The following ECD variants were observed in gnomAD, a reference collection of about 807,000 sequenced individuals.
The protein encoded by ECD is protein ecdysoneless homolog.
In ECD, 59 loss-of-function variants were observed where a neutral mutation model predicts 77.2. The observed-to-expected ratio is 0.76, with a 90% CI of 0.62 to 0.95. The LOEUF is 0.95. Among genes scored for constraint, ECD ranks in the 40% least tolerant of loss-of-function variants. ECD has a pLI of 0.00. For synonymous variants in ECD, 233 were observed against 267.4 expected (o/e 0.87, Z 1.26); for missense variants, 704 against 763.4 (o/e 0.92, Z 0.92).
At chr10:73,142,269 A>G (rs536399322) in intron 9 of ECD, among the ~76,000 whole-genome samples, 1 of 152,080 alleles carries the variant, frequency 6.6e-6, no homozygotes, top group African/African-American at 2.4e-5. Context: ...TCGGTCTCCC[A>G]AAGTGCTGGG....
At chr10:73,164,779 C>T (rs1276713012) in intron 1 of ECD, among the ~76,000 whole-genome samples, 1 of 152,104 alleles carries the variant, frequency 6.6e-6, no homozygotes, top group Admixed American at 6.6e-5. Flanking sequence ...TTTAATGACC[C>T]TTTACACTTA....
intron 9 of ECD, among the ~76,000 whole-genome samples, chr10:73,140,607 G>A (rs756472461): frequency 2.0e-5 from 3 of 151,904 alleles, no homozygotes; most frequent in African/African-American, 2.4e-5. Flanking sequence ...GCTTGAACCC[G>A]GGAGGTGGAG....
chr10:73,139,472 G>A lies in ECD; in HGVS notation c.1258C>T (p.Pro420Ser). 6.2e-7 allele frequency: 1 copy of A among 1,613,908 alleles called. No homozygotes were observed. Among genetic ancestry groups the A allele is most frequent in the Non-Finnish European group, 8.5e-7 (1 of 1,179,964 alleles). Residue 420 changes from proline to serine, a missense_variant, in exon 11 of 14, where the codon CCA (proline) becomes TCA (serine). Transcript: ENST00000372979. ...EDDDQWLDLS[P>S]DQLDQLLQEA... The stretch of plus-strand genomic sequence containing the variant: ...TGCAGCAGCTGGTCCAGCTGATCTG[G>A]TGAGAGATCTAACCACTGGTCATCT...
intron 3 of ECD, among the ~76,000 whole-genome samples, chr10:73,157,946 A>ATTATTTTATT (rs113656136): frequency 1.0e-4 from 15 of 150,178 alleles, no homozygotes; most frequent in Admixed American, 6.0e-4. Context: ...TTCTATTTTT[A>ATTATTTTATT]TTATTTTATT....
intron 7 of ECD, among the ~76,000 whole-genome samples, chr10:73,149,133 T>C (rs1283499325): frequency 6.6e-6 from 1 of 152,198 alleles, no homozygotes; most frequent in East Asian, 1.9e-4. Context: ...ATCTAACTAT[T>C]CCCCTACTAA....
At chr10:73,167,506 A>G (rs1036993840) in intron 1 of ECD, among the ~76,000 whole-genome samples, 1 of 152,140 alleles carries the variant, frequency 6.6e-6, no homozygotes, top group African/African-American at 2.4e-5. Flanking sequence ...CCCTAACTCC[A>G]TGATTCCAAT....
At chr10:73,159,978 G>A (rs1214257627) in intron 3 of ECD, among the ~76,000 whole-genome samples, 4 of 151,144 alleles carry the variant, frequency 2.6e-5, no homozygotes, top group Admixed American at 6.6e-5. Flanking sequence ...GAAGCCACAA[G>A]AGAAGAGAAA....
At chr10:73,146,171 C>T in intron 9 of ECD, 105 bp downstream of exon 9, 1 of 479,992 alleles carries the variant, frequency 2.1e-6, no homozygotes. Context: ...GAGTGAGACT[C>T]CGTCTCAAAA....
chr10:73,167,272 G>A (rs1018604971), intron 1 of ECD, among the ~76,000 whole-genome samples: 97 of 152,060 alleles, frequency 6.4e-4, no homozygotes, highest in African/African-American at 2.3e-3. Flanking sequence ...GATAGCTTTG[G>A]CTATTCTGGC....
At chr10:73,166,239 G>A (rs1843459061) in intron 1 of ECD, among the ~76,000 whole-genome samples, 1 of 152,142 alleles carries the variant, frequency 6.6e-6, no homozygotes, top group East Asian at 1.9e-4. Flanking sequence ...TGGACACTTA[G>A]GTTGCTTCCA....
chr10:73,140,511 G>A (rs1019369711), intron 9 of ECD, among the ~76,000 whole-genome samples: 2 of 151,122 alleles, frequency 1.3e-5, no homozygotes, highest in Non-Finnish European at 3.0e-5. Context: ...GTGAAACCCC[G>A]TCTCTACTAA....
chr10:73,137,941 T>C, intron 12 of ECD, 62 bp downstream of exon 12: 2 of 1,304,176 alleles, frequency 1.5e-6, no homozygotes, highest in South Asian at 3.2e-5. Context: ...AAACCAATGC[T>C]CTAGCAACAG....
chr10:73,141,339 TAAAAA>T (rs749192454), intron 9 of ECD: 19 of 95,120 alleles, frequency 2.0e-4, no homozygotes, highest in South Asian at 8.9e-4. Context: ...CCGTCTCTAC[TAAAAA>T]AAAAAAAAAA....
intron 7 of ECD, among the ~76,000 whole-genome samples, chr10:73,151,726 T>C (rs1843210364): frequency 6.6e-6 from 1 of 152,168 alleles, no homozygotes; most frequent in African/African-American, 2.4e-5. Flanking sequence ...ATGTTCATAG[T>C]TCTGAACATT....
At chr10:73,150,906 G>C (rs1403046618) in intron 7 of ECD, among the ~76,000 whole-genome samples, 1 of 152,104 alleles carries the variant, frequency 6.6e-6, no homozygotes. Flanking sequence ...GGAGAAATAG[G>C]AACACTTTTA....
chr10:73,146,435 T>G, intron 8 of ECD, 74 bp from the exon 9 acceptor site: 1 of 987,270 alleles, frequency 1.0e-6, no homozygotes, highest in South Asian at 1.7e-5. Flanking sequence ...ACCAGCAACT[T>G]TCAGGGAGGC....
intron 11 of ECD, 76 bp downstream of exon 11, chr10:73,139,233 A>AAT: frequency 7.3e-7 from 1 of 1,360,720 alleles, no homozygotes; most frequent in Non-Finnish European, 9.7e-7. Flanking sequence ...AAAAAAAAAA[A>AAT]GTGGAAATGG....
intron 3 of ECD, among the ~76,000 whole-genome samples, chr10:73,158,667 C>G (rs1260079948): frequency 6.6e-6 from 1 of 151,898 alleles, no homozygotes; most frequent in Non-Finnish European, 1.5e-5. Flanking sequence ...GCCCGGGAGG[C>G]AGAGGTTGCA....
At chr10:73,160,094 C>T (rs1843355183) in intron 3 of ECD, among the ~76,000 whole-genome samples, 1 of 151,284 alleles carries the variant, frequency 6.6e-6, no homozygotes, top group South Asian at 2.1e-4. Flanking sequence ...AGAGACTAGC[C>T]TAGCCAACAT....
Sources: gnomAD v4.1 joint callset for allele counts (sites outside exome capture counted in the v4.1 genomes callset) on GRCh38, gnomAD v4.1.1 for gene constraint, MANE v1.5 for transcripts, NCBI Gene and HGNC (gene_info 2026-07-23, HGNC 2026-07-21) for gene names.